The following DLGAP2 variants were observed in gnomAD, a reference collection of about 807,000 sequenced individuals.
DLGAP2 encodes the protein DLG associated protein 2.
A neutral mutation model predicts 100.3 loss-of-function variants in DLGAP2; 26 were observed. The observed-to-expected ratio is 0.26, with a 90% CI of 0.19 to 0.36. DLGAP2 has a LOEUF of 0.36. Ranked by LOEUF, DLGAP2 falls within the 10% of genes least tolerant of loss-of-function variation. DLGAP2 has a pLI of 1.00. For missense variants in DLGAP2, 1,858 were observed against 1,453.2 expected (o/e 1.28, Z -4.53); for synonymous variants, 886 against 630.1 (o/e 1.41, Z -6.08).
chr8:1,194,740 G>T (rs548019741), intron 2 of DLGAP2, among the ~76,000 whole-genome samples: 2 of 152,172 alleles, frequency 1.3e-5, no homozygotes, highest in African/African-American at 4.8e-5. Flanking sequence ...CCCTGGGCCC[G>T]ATGAGCTTCA....
At chr8:751,319 A>G (rs10481386) in intron 1 of DLGAP2, among the ~76,000 whole-genome samples, 3,443 of 94,390 alleles carry the variant, frequency 0.036, 149 homozygotes, top group East Asian at 0.12. Flanking sequence ...CCTCTCACGG[A>G]AAGGAGCATT....
intron 1 of DLGAP2, among the ~76,000 whole-genome samples, chr8:768,536 T>A (rs1000882120): frequency 6.7e-6 from 1 of 149,934 alleles, no homozygotes; most frequent in African/African-American, 2.5e-5. Context: ...GTGATTCTCC[T>A]GCCTCAGCCT....
intron 6 of DLGAP2, among the ~76,000 whole-genome samples, chr8:1,602,986 G>A (rs913788142): frequency 6.6e-6 from 1 of 152,262 alleles, no homozygotes; most frequent in African/African-American, 2.4e-5. Flanking sequence ...GCAGAGGCTG[G>A]ATAGAGTGGA....
At chr8:1,683,954 G>GTGTGTGTATATATATA (rs1450063590) in intron 12 of DLGAP2, among the ~76,000 whole-genome samples, 1 of 74,754 alleles carries the variant, frequency 1.3e-5, no homozygotes, top group Admixed American at 1.7e-4. Context: ...ATATATGTGT[G>GTGTGTGTATATATATA]TATATATATA....
At chr8:1,046,132 A>G (rs1226178404) in intron 2 of DLGAP2, among the ~76,000 whole-genome samples, 1 of 152,202 alleles carries the variant, frequency 6.6e-6, no homozygotes, top group African/African-American at 2.4e-5. Flanking sequence ...TAAATAGAAT[A>G]AAGTCAGGCA....
chr8:1,565,593 G>C, intron 5 of DLGAP2, 90 bp from the exon 6 acceptor site: 1 of 998,046 alleles, frequency 1.0e-6, no homozygotes, highest in Non-Finnish European at 1.5e-6. Context: ...TATCTTTATG[G>C]AATTGTAGAG....
intron 2 of DLGAP2, among the ~76,000 whole-genome samples, chr8:985,807 T>C (rs1800469602): frequency 6.6e-6 from 1 of 152,184 alleles, no homozygotes; most frequent in Non-Finnish European, 1.5e-5. Flanking sequence ...GAGTGAGGGA[T>C]GTGTGGTTCA....
intron 1 of DLGAP2, among the ~76,000 whole-genome samples, chr8:882,911 C>G (rs1797839931): frequency 6.6e-6 from 1 of 152,266 alleles, no homozygotes; most frequent in Non-Finnish European, 1.5e-5. Context: ...GGTCGGATCT[C>G]TGCATCGGTC....
chr8:781,387 A>G lies in DLGAP2; in HGVS notation c.18+43562A>G, dbSNP rs189576688. Among the ~76,000 whole-genome samples the G allele has an allele frequency of 2.6e-5, 4 of 152,314 alleles. 1 individual carries two copies. The South Asian group carries it at 6.2e-4, about 24-fold the overall frequency. On this transcript the variant is annotated intron_variant, in intron 1 of 14. Transcript: ENST00000637795. ...AGCTATTCATGGAAGGGTTAGGAAC[A>G]TCACAGAAAATAATCGATAAGACCT...
intron 2 of DLGAP2, among the ~76,000 whole-genome samples, chr8:1,227,587 A>G (rs558952787): frequency 6.6e-6 from 1 of 151,806 alleles, no homozygotes; most frequent in Non-Finnish European, 1.5e-5. Flanking sequence ...TCCACCTCCC[A>G]GGTTCAAGCA....
intron 6 of DLGAP2, among the ~76,000 whole-genome samples, chr8:1,626,016 A>ACGGCTGTT (rs1797483868): frequency 1.2e-5 from 1 of 85,218 alleles, no homozygotes; most frequent in Non-Finnish European, 2.2e-5. Flanking sequence ...TCCCATCTCT[A>ACGGCTGTT]CCCTGTGGCG....
rs142619310 is a variant in DLGAP2, at chr8:1,045,940, G to T, written c.73+137974G>T. Among the ~76,000 whole-genome samples, 783 of 152,240 alleles carry T rather than the reference G, an allele frequency of 5.1e-3. 5 individuals carry two copies. Among genetic ancestry groups the T allele is most frequent in the Middle Eastern group, 0.014 (4 of 292 alleles). ...TTTGTAATCAAGTTTAACGGGGCTT[G>T]GGTCCCAGTAATTTCAAAGTGAAGG... On this transcript the variant is annotated intron_variant, in intron 2 of 14. Coordinates refer to ENST00000637795, the MANE Select transcript of DLGAP2 (RefSeq NM_001346810.2).
chr8:1,336,336 GA>G (rs1489716454), intron 3 of DLGAP2, among the ~76,000 whole-genome samples: 4 of 152,364 alleles, frequency 2.6e-5, no homozygotes, highest in East Asian at 1.9e-4. Flanking sequence ...GAAGAAGGGA[GA>G]GGGGTGGTGA....
intron 1 of DLGAP2, among the ~76,000 whole-genome samples, chr8:850,149 G>T (rs1324580670): frequency 6.6e-6 from 1 of 151,788 alleles, no homozygotes; most frequent in Non-Finnish European, 1.5e-5. Flanking sequence ...TCCCCTGTCA[G>T]ATGTGACATT....
intron 2 of DLGAP2, among the ~76,000 whole-genome samples, chr8:971,295 C>T (rs34197905): frequency 0.11 from 17,013 of 152,208 alleles, 1,445 homozygotes; most frequent in Admixed American, 0.25. Flanking sequence ...AGGGTTTCTG[C>T]TCTGACACAT....
intron 3 of DLGAP2, among the ~76,000 whole-genome samples, chr8:1,337,542 G>C (rs1336804477): frequency 6.6e-6 from 1 of 151,636 alleles, no homozygotes; most frequent in African/African-American, 2.4e-5. Context: ...TGATGATGAT[G>C]ATGATCATAA....
At chr8:1,590,589 G>A (rs905015208) in intron 6 of DLGAP2, among the ~76,000 whole-genome samples, 7 of 152,156 alleles carry the variant, frequency 4.6e-5, no homozygotes, top group Admixed American at 1.3e-4. Context: ...GATTCTTCAT[G>A]AAGAGCAGTA....
At chr8:796,534 C>T (rs755266200) in intron 1 of DLGAP2, among the ~76,000 whole-genome samples, 1 of 152,192 alleles carries the variant, frequency 6.6e-6, no homozygotes, top group Admixed American at 6.5e-5. Context: ...CTCTCCTCCC[C>T]ATGCCACTCC....
intron 10 of DLGAP2, among the ~76,000 whole-genome samples, chr8:1,675,487 T>C (rs145164222): frequency 2.6e-5 from 4 of 152,324 alleles, no homozygotes; most frequent in Non-Finnish European, 4.4e-5. Flanking sequence ...TCAGTACCTC[T>C]CTTAGCCACA....
Sources: gnomAD v4.1 joint callset for allele counts (sites outside exome capture counted in the v4.1 genomes callset) on GRCh38, gnomAD v4.1.1 for gene constraint, MANE v1.5 for transcripts, NCBI Gene and HGNC (gene_info 2026-07-23, HGNC 2026-07-21) for gene names.